The following COG1 variants were observed in gnomAD, a reference collection of about 807,000 sequenced individuals.
COG1 encodes conserved oligomeric Golgi complex subunit 1.
A neutral mutation model predicts 102.2 loss-of-function variants in COG1; 61 were observed. That is an observed-to-expected ratio of 0.60 (90% CI 0.49 to 0.74). COG1 has a LOEUF of 0.74. Ranked by LOEUF, COG1 falls within the 30% of genes least tolerant of loss-of-function variation. The pLI, the probability that COG1 is intolerant of heterozygous loss-of-function variation, is 0.00. For synonymous variants in COG1, 454 were observed against 493.6 expected (o/e 0.92, Z 1.06); for missense variants, 1,164 against 1,232.1 (o/e 0.94, Z 0.83).
chr17:73,207,416 C>G, intron 13 of COG1, 160 bp downstream of exon 13: 1 of 762,868 alleles, frequency 1.3e-6, no homozygotes, highest in Non-Finnish European at 2.3e-6. Context: ...CAAGGTTTTA[C>G]TAGCTTGAGC....
intron 13 of COG1, chr17:73,207,666 T>C (rs751141266): frequency 1.2e-5 from 16 of 1,294,700 alleles, no homozygotes; most frequent in South Asian, 9.9e-5. Flanking sequence ...TCCCCAAAAG[T>C]TTGACATTTT....
intron 7 of COG1, among the ~76,000 whole-genome samples, 167 bp downstream of exon 7, chr17:73,202,067 G>A (rs566138292): frequency 8.5e-5 from 13 of 152,226 alleles, no homozygotes; most frequent in Non-Finnish European, 1.6e-4. Flanking sequence ...GCCGGGCGCG[G>A]TGGCTCATGC....
intron 4 of COG1, 115 bp downstream of exon 4, chr17:73,197,511 A>AGG (rs2061330515): frequency 9.1e-7 from 1 of 1,102,364 alleles, no homozygotes; most frequent in Non-Finnish European, 1.3e-6. Context: ...TGAACTGGAC[A>AGG]AATAGAGGCC....
rs757438614 is a variant in COG1, at chr17:73,197,251, C to T, written c.768C>T (p.Cys256=). 3.1e-6 allele frequency: 5 copies of T among 1,614,076 alleles called. No individual in the cohort carries two copies. In the South Asian group the frequency reaches 3.3e-5, roughly 11 times the overall value. Residue 256 remains cysteine, a synonymous_variant, in exon 4 of 14, where the codon TGC becomes TGT. Coordinates refer to ENST00000299886, the MANE Select transcript of COG1 (RefSeq NM_018714.3). ...HHGAGIKAQI[C]SLVELLATTL... Reference sequence around the variant, plus strand: ...GTGCTGGTATCAAGGCTCAGATTTGCTCATTAGTGGAGTTGCTGGCCACCA... The same window carrying T: ...GTGCTGGTATCAAGGCTCAGATTTGTTCATTAGTGGAGTTGCTGGCCACCA...
intron 11 of COG1, 138 bp downstream of exon 11, chr17:73,206,400 T>C (rs1160222875): frequency 2.2e-5 from 17 of 777,520 alleles, no homozygotes; most frequent in Admixed American, 1.2e-4. Flanking sequence ...AGTGTAGTTA[T>C]AAGGACTGAA....
intron 9 of COG1, 94 bp downstream of exon 9, chr17:73,203,887 C>CA: frequency 7.0e-7 from 1 of 1,420,412 alleles, no homozygotes; most frequent in South Asian, 1.2e-5. Context: ...ATCAAAGACT[C>CA]AAACTGTTAA....
Position 73,201,614 on chromosome 17 carries a change from T to C in COG1, c.1787T>C (p.Val596Ala). The C allele has an allele frequency of 3.1e-6, 5 of 1,614,154 alleles. No individual in the cohort carries two copies. Among genetic ancestry groups the C allele is most frequent in the Non-Finnish European group, 4.2e-6 (5 of 1,180,042 alleles). ...RAELQSIEEG[V>A]QGQQDALNSA... ...GAGCTACAGAGCATTGAAGAGGGTG[T>C]GCAAGGGCAACAGGATGCCCTCAAC... The change falls in exon 7 of 14, where the codon GTG becomes GCG. Residue 596 changes from valine (V) to alanine (A), a missense_variant. Transcript: ENST00000299886.
intron 1 of COG1, among the ~76,000 whole-genome samples, chr17:73,194,780 G>A (rs1227077082): frequency 2.6e-5 from 4 of 152,152 alleles, no homozygotes; most frequent in Admixed American, 2.6e-4. Context: ...AAAGAATATA[G>A]ACCTAGCAAT....
chr17:73,196,669 G>C lies in COG1; in HGVS notation c.478G>C (p.Asp160His), dbSNP rs1320259917. ...CCACCTCCACAGCCTGCTCCAGCTG[G>C]ATTCTTCTAGTTCCCGATACAGTCC... is the stretch of plus-strand genomic sequence containing the variant. Reference protein sequence around the residue: ...CCHLHSLLQLDSSSSRYSPVL... With the variant: ...CCHLHSLLQLHSSSSRYSPVL... The change falls in exon 2 of 14, where the codon GAT becomes CAT. Residue 160 changes from aspartate to histidine, a missense_variant. By Grantham distance (81) the Asp-to-His change is moderately conservative. Transcript: ENST00000299886. 2.5e-6 allele frequency: 4 copies of C among 1,614,140 alleles called. No individual in the cohort carries two copies. Among genetic ancestry groups the C allele is most frequent in the Non-Finnish European group, 2.5e-6 (3 of 1,180,032 alleles).
chr17:73,208,452 C>T lies in COG1; in HGVS notation c.*1C>T. 3.1e-6 allele frequency: 5 copies of T among 1,613,962 alleles called. No individual in the cohort carries two copies. Among genetic ancestry groups the T allele is most frequent in the Non-Finnish European group, 4.2e-6 (5 of 1,179,922 alleles). ...CTGGCTCTCTAGTATGACTAAGTAA[C>T]ATGGCAACACATCTGTCTCTCCCTA... is the stretch of plus-strand genomic sequence containing the variant. On this transcript the variant is annotated 3_prime_UTR_variant, in exon 14 of 14. Coordinates refer to ENST00000299886, the MANE Select transcript of COG1 (RefSeq NM_018714.3).
In COG1 at chr17:73,208,222, C is replaced by T. The variant is rs2145111680; in HGVS notation, c.2806-92C>T. ...TGCTTCTCAGCTCCGCTTGTGTGTGCCGTGTGGACTCCGAGTGGCGTCGCG... is the reference window on the plus strand; with the variant it reads ...TGCTTCTCAGCTCCGCTTGTGTGTGTCGTGTGGACTCCGAGTGGCGTCGCG... On this transcript the variant is annotated intron_variant, in intron 13 of 13. Coordinates refer to ENST00000299886, the MANE Select transcript of COG1 (RefSeq NM_018714.3). The T allele has an allele frequency of 1.9e-6, 3 of 1,602,480 alleles. No individual in the cohort carries two copies. In the East Asian group the frequency reaches 6.7e-5, roughly 36 times the overall value.
Position 73,201,762 on chromosome 17 carries a change from G to A in COG1, c.1935G>A (p.Glu645=). 6.2e-7 allele frequency: 1 copy of A among 1,614,196 alleles called. No individual in the cohort carries two copies. The highest frequency in any genetic ancestry group is 1.6e-4 in the Middle Eastern group (1 of 6,062). The change falls in exon 7 of 14, where the codon GAG becomes GAA. Residue 645 remains glutamate, a synonymous_variant. Transcript: ENST00000299886. ...KSESSEKPAR[E]FRALRKQGKV... ...AGAGCTCAGAGAAACCAGCAAGGGAGTTTAGGGCTCTGAGAAAACAGGGAA... is the reference window on the plus strand; with the variant it reads ...AGAGCTCAGAGAAACCAGCAAGGGAATTTAGGGCTCTGAGAAAACAGGGAA...
chr17:73,194,157 T>TTTTTTTTTTTTTTTTTTTTTTTTTG (rs1167408811), intron 1 of COG1, among the ~76,000 whole-genome samples: 1 of 150,744 alleles, frequency 6.6e-6, no homozygotes, highest in South Asian at 2.1e-4. Context: ...AAAGAATTTT[T>TTTTTTTTTTTTTTTTTTTTTTTTTG]ATTGGCCGGG....
chr17:73,207,453 T>C, intron 13 of COG1, 197 bp downstream of exon 13: 1 of 700,078 alleles, frequency 1.4e-6, no homozygotes, highest in Non-Finnish European at 2.5e-6. Flanking sequence ...AGATGCCCGC[T>C]GACACTACCA....
At position 73,200,555 on chromosome 17, in the gene COG1, T is replaced by G. The variant is rs1265111290; in HGVS notation, c.1071-11T>G. Reference sequence around the variant, plus strand: ...CTCTGATGGAGCCCAAAGAACATGATTCTGTTGCAGGTGTAATGAAGACAT... The same window carrying G: ...CTCTGATGGAGCCCAAAGAACATGAGTCTGTTGCAGGTGTAATGAAGACAT... On this transcript the variant is annotated splice_polypyrimidine_tract_variant and intron_variant, in intron 5 of 13. Transcript: ENST00000299886. The G allele has an allele frequency of 6.2e-7, 1 of 1,611,940 alleles. No homozygotes were observed. Among genetic ancestry groups the G allele is most frequent in the Non-Finnish European group, 8.5e-7 (1 of 1,178,032 alleles).
chr17:73,204,836 C>A (rs977160580), intron 9 of COG1, among the ~76,000 whole-genome samples: 2 of 152,158 alleles, frequency 1.3e-5, no homozygotes, highest in East Asian at 3.9e-4. Context: ...GGACTATGGG[C>A]AGGAGCCATC....
chr17:73,204,485 A>G (rs2061359988), intron 9 of COG1, among the ~76,000 whole-genome samples: 1 of 151,574 alleles, frequency 6.6e-6, no homozygotes, highest in Non-Finnish European at 1.5e-5. Flanking sequence ...TTGTCTCCCA[A>G]CCCTTCACAC....
At chr17:73,199,090 G>A (rs887176170) in intron 4 of COG1, among the ~76,000 whole-genome samples, 1 of 152,198 alleles carries the variant, frequency 6.6e-6, no homozygotes, top group African/African-American at 2.4e-5. Flanking sequence ...AGGGCCCTGG[G>A]TTTCAAACTC....
chr17:73,204,849 G>T (rs1165644184), intron 9 of COG1, among the ~76,000 whole-genome samples: 1 of 152,088 alleles, frequency 6.6e-6, no homozygotes, highest in Non-Finnish European at 1.5e-5. Context: ...GAGCCATCAC[G>T]CCTGGCCAGT....
Sources: allele counts gnomAD v4.1 joint callset (sites outside exome capture counted in the v4.1 genomes callset), GRCh38; gene constraint gnomAD v4.1.1; transcripts MANE v1.5; gene names NCBI Gene and HGNC (gene_info 2026-07-23, HGNC 2026-07-21).